RNGTT: variants seen among roughly 807,000 people sequenced by gnomAD.
RNGTT encodes the protein mRNA-capping enzyme.
Under a neutral mutation model 79.3 loss-of-function variants are expected in RNGTT, and 33 were observed. That is an observed-to-expected ratio of 0.42 (90% confidence interval 0.32 to 0.56). RNGTT has a LOEUF of 0.56. RNGTT is among the 20% of genes least tolerant of loss of function. RNGTT has a pLI of 0.17. For synonymous variants in RNGTT, 222 were observed against 235.9 expected (o/e 0.94, Z 0.54); for missense variants, 497 against 739.1 (o/e 0.67, Z 3.80).
chr6:88,962,171 G>C (rs554171711), intron 1 of RNGTT, among the ~76,000 whole-genome samples: 1 of 152,106 alleles, frequency 6.6e-6, no homozygotes, highest in Non-Finnish European at 1.5e-5. Flanking sequence ...GCGAAGGAGG[G>C]ATTTAAAAAG....
chr6:88,639,540 T>C (rs1234389054), intron 14 of RNGTT, among the ~76,000 whole-genome samples: 1 of 152,130 alleles, frequency 6.6e-6, no homozygotes, highest in Admixed American at 6.6e-5. Flanking sequence ...CACTCCCAAA[T>C]AAAAAGGAAT....
At chr6:88,855,255 T>C (rs1168569924) in intron 8 of RNGTT, among the ~76,000 whole-genome samples, 1 of 152,146 alleles carries the variant, frequency 6.6e-6, no homozygotes, top group East Asian at 1.9e-4. Flanking sequence ...CATGAAGACA[T>C]GCAAGCTAAC....
intron 14 of RNGTT, among the ~76,000 whole-genome samples, chr6:88,618,870 T>C (rs911213975): frequency 6.6e-6 from 1 of 152,262 alleles, no homozygotes; most frequent in East Asian, 1.9e-4. Flanking sequence ...TGAGCAATTA[T>C]TCCTGCGGTG....
intron 13 of RNGTT, among the ~76,000 whole-genome samples, chr6:88,737,919 G>T (rs916921552): frequency 2.6e-5 from 4 of 152,138 alleles, no homozygotes. Context: ...AAAAAGAATT[G>T]TACAGTACCC....
intron 12 of RNGTT, among the ~76,000 whole-genome samples, chr6:88,782,791 G>A (rs1562250248): frequency 6.6e-6 from 1 of 152,104 alleles, no homozygotes; most frequent in Non-Finnish European, 1.5e-5. Flanking sequence ...CTATTGAAAA[G>A]CTGCTCAGCA....
chr6:88,950,498 A>G (rs1383059004), intron 1 of RNGTT, among the ~76,000 whole-genome samples: 1 of 152,214 alleles, frequency 6.6e-6, no homozygotes, highest in East Asian at 1.9e-4. Context: ...GAAAGGATTC[A>G]CCATTCTAGA....
intron 13 of RNGTT, among the ~76,000 whole-genome samples, chr6:88,736,303 A>G (rs558965776): frequency 1.3e-3 from 193 of 152,316 alleles, no homozygotes; most frequent in African/African-American, 4.4e-3. Context: ...AGCAGAGAGG[A>G]TACTTCCTAA....
intron 13 of RNGTT, among the ~76,000 whole-genome samples, chr6:88,712,872 T>C (rs1363984496): frequency 1.3e-5 from 2 of 152,166 alleles, no homozygotes; most frequent in Non-Finnish European, 1.5e-5. Context: ...GAAATCTCCA[T>C]GATGTTACAA....
Position 88,612,738 on chromosome 6 carries a change from C to T in RNGTT, c.1775G>A (p.Arg592Lys). 6.3e-7 allele frequency: 1 copy of T among 1,591,264 alleles called. No homozygotes were observed. Among genetic ancestry groups the T allele is most frequent in the South Asian group, 1.1e-5 (1 of 90,654 alleles). ...TELMPPPPPKRPRPLT is the reference protein window; with the variant it reads ...TELMPPPPPKKPRPLT ...CAGGTCTTAGGTTAAAGGGCGTGGT[C>T]TTTTGGGAGGTGGTGGTGGCATGAG... is the stretch of plus-strand genomic sequence containing the variant. The change falls in exon 16 of 16, where the codon AGA becomes AAA. Residue 592 changes from arginine (R) to lysine (K), a missense_variant. By Grantham distance (26) the Arg-to-Lys change is conservative (BLOSUM62 2). Transcript: ENST00000369485.
At chr6:88,704,871 T>TA (rs769531261) in intron 13 of RNGTT, among the ~76,000 whole-genome samples, 20 of 152,146 alleles carry the variant, frequency 1.3e-4, no homozygotes, top group Non-Finnish European at 2.4e-4. Flanking sequence ...ATCCATTAAT[T>TA]GATCATATTA....
chr6:88,776,619 G>A (rs1778893710), intron 12 of RNGTT, among the ~76,000 whole-genome samples: 1 of 149,792 alleles, frequency 6.7e-6, no homozygotes, highest in African/African-American at 2.5e-5. Context: ...ACAGGCATGA[G>A]CCACCATGCC....
At chr6:88,723,498 T>C (rs1776775711) in intron 13 of RNGTT, among the ~76,000 whole-genome samples, 1 of 152,002 alleles carries the variant, frequency 6.6e-6, no homozygotes, top group Non-Finnish European at 1.5e-5. Flanking sequence ...ATACTTTCTC[T>C]AATAAATCTA....
intron 11 of RNGTT, among the ~76,000 whole-genome samples, chr6:88,836,042 CATATAT>C (rs138214447): frequency 2.0e-4 from 27 of 135,916 alleles, no homozygotes; most frequent in Middle Eastern, 3.8e-3. Flanking sequence ...ATAAGATTTA[CATATAT>C]ATATATATAT....
At chr6:88,798,556 A>T (rs1779678927) in intron 12 of RNGTT, among the ~76,000 whole-genome samples, 1 of 152,202 alleles carries the variant, frequency 6.6e-6, no homozygotes, top group African/African-American at 2.4e-5. Context: ...AAGTATGCTT[A>T]AAAAATTATA....
chr6:88,614,176 C>T (rs1283301239), intron 15 of RNGTT, 96 bp downstream of exon 15: 6 of 1,143,044 alleles, frequency 5.2e-6, no homozygotes, highest in Admixed American at 4.2e-5. Context: ...AATGACTATG[C>T]CCCATTAAGC....
chr6:88,945,556 T>C (rs1297876022), intron 1 of RNGTT, among the ~76,000 whole-genome samples: 1 of 152,182 alleles, frequency 6.6e-6, no homozygotes, highest in Non-Finnish European at 1.5e-5. Flanking sequence ...TTAACCAACG[T>C]CTAAATGTCA....
At chr6:88,699,675 C>CA (rs1243678510) in intron 13 of RNGTT, among the ~76,000 whole-genome samples, 5 of 151,864 alleles carry the variant, frequency 3.3e-5, no homozygotes, top group Non-Finnish European at 5.9e-5. Flanking sequence ...AACAAACAAA[C>CA]AAAAAAACAC....
chr6:88,805,877 C>G (rs1443388381), intron 11 of RNGTT, among the ~76,000 whole-genome samples: 1 of 152,148 alleles, frequency 6.6e-6, no homozygotes, highest in East Asian at 1.9e-4. Context: ...CAGGAGAAAA[C>G]CCTTTTATAC....
At chr6:88,943,529 A>G (rs1784915463) in intron 1 of RNGTT, among the ~76,000 whole-genome samples, 1 of 152,020 alleles carries the variant, frequency 6.6e-6, no homozygotes, top group African/African-American at 2.4e-5. Flanking sequence ...TGTACCAGGC[A>G]TTGTTCTAGG....
Sources: gnomAD v4.1 joint callset for allele counts (sites outside exome capture counted in the v4.1 genomes callset) on GRCh38, gnomAD v4.1.1 for gene constraint, MANE v1.5 for transcripts, NCBI Gene and HGNC (gene_info 2026-07-23, HGNC 2026-07-21) for gene names.